The following FLVCR1 variants were observed in gnomAD, a reference collection of about 807,000 sequenced individuals.
The protein encoded by FLVCR1 is FLVCR choline and heme transporter 1.
In FLVCR1, 34 loss-of-function variants were observed where a neutral mutation model predicts 53.6. That is an observed-to-expected ratio of 0.63 (90% CI 0.48 to 0.84). The LOEUF (loss-of-function observed/expected upper bound fraction) is 0.84. FLVCR1 is among the 40% of genes least tolerant of loss of function. FLVCR1 has a pLI of 0.00. For synonymous variants in FLVCR1, 300 were observed against 286.3 expected (o/e 1.05, Z -0.48); for missense variants, 677 against 696.7 (o/e 0.97, Z 0.32).
intron 1 of FLVCR1, among the ~76,000 whole-genome samples, chr1:212,860,026 T>TA (rs1226473539): frequency 6.6e-6 from 1 of 152,154 alleles, no homozygotes; most frequent in Non-Finnish European, 1.5e-5. Context: ...CTCACGCCTG[T>TA]AATCTCAGCA....
intron 3 of FLVCR1, among the ~76,000 whole-genome samples, chr1:212,879,288 C>G (rs1337655170): frequency 6.6e-6 from 1 of 152,108 alleles, no homozygotes; most frequent in Non-Finnish European, 1.5e-5. Context: ...CGAGTAGTTT[C>G]TCGACTTCAT....
chr1:212,878,988 C>G (rs1325131790), intron 3 of FLVCR1, among the ~76,000 whole-genome samples: 1 of 146,654 alleles, frequency 6.8e-6, no homozygotes, highest in Non-Finnish European at 1.5e-5. Flanking sequence ...GATCCTGTCT[C>G]AAAAAAAAAA....
In FLVCR1 at chr1:212,885,574, G is replaced by T. The variant is rs1195878500; in HGVS notation, c.1196+178G>T. 2,320 of 297,594 alleles carry T rather than the reference G, an allele frequency of 7.8e-3. 20 individuals carry two copies. The highest frequency in any genetic ancestry group is 0.015 in the South Asian group (548 of 36,504). The allele number at this position is 297,594 out of a possible 1,614,324, so 18.4% of individuals were successfully genotyped here. A position where few individuals can be genotyped will look rare whatever the true frequency, so the allele number is the denominator to read the frequency against. On this transcript the variant is annotated intron_variant, in intron 5 of 9. Coordinates refer to ENST00000366971, the MANE Select transcript of FLVCR1 (RefSeq NM_014053.4). Reference sequence around the variant, plus strand: ...TCTTTTTTTTTTTTTTTTTTGAGACGGAGTCTCGTTCTGTCGCCCAGGCTA... The same window carrying T: ...TCTTTTTTTTTTTTTTTTTTGAGACTGAGTCTCGTTCTGTCGCCCAGGCTA...
intron 6 of FLVCR1, among the ~76,000 whole-genome samples, 153 bp downstream of exon 6, chr1:212,888,154 T>C (rs1665104624): frequency 6.6e-6 from 1 of 152,218 alleles, no homozygotes; most frequent in South Asian, 2.1e-4. Flanking sequence ...CATGTAATTC[T>C]TAAGAACTAT....
chr1:212,859,201 G>C lies in FLVCR1; in HGVS notation c.738+11G>C. 14 of 1,614,048 alleles carry C rather than the reference G, an allele frequency of 8.7e-6. No individual in the cohort carries two copies. Among genetic ancestry groups the C allele is most frequent in the Non-Finnish European group, 1.1e-5 (13 of 1,180,042 alleles). Reference sequence around the variant, plus strand: ...GTGCTGGGCAATCAGGTAAGTACTGGAGTGGTAGGTGAAAGTCAGATCCTT... The same window carrying C: ...GTGCTGGGCAATCAGGTAAGTACTGCAGTGGTAGGTGAAAGTCAGATCCTT... On this transcript the variant is annotated intron_variant, in intron 1 of 9. Transcript: ENST00000366971.
intron 5 of FLVCR1, among the ~76,000 whole-genome samples, chr1:212,886,041 T>TC (rs1482334630): frequency 5.8e-5 from 6 of 102,650 alleles, no homozygotes; most frequent in Non-Finnish European, 1.2e-4. Flanking sequence ...TTTATCTTGT[T>TC]CTTTTTTTTT....
In FLVCR1 at chr1:212,897,948, A is replaced by G. The variant is rs1665383915; in HGVS notation, c.*2658A>G. 1 of 152,206 alleles carries G rather than the reference A, an allele frequency of 6.6e-6. No homozygotes were observed. Among genetic ancestry groups the G allele is most frequent in the Non-Finnish European group, 1.5e-5 (1 of 68,042 alleles). 9.4% of individuals were successfully genotyped at this position (152,206 alleles called of 1,614,324 possible). A position where few individuals can be genotyped will look rare whatever the true frequency, so the allele number is the denominator to read the frequency against. ...ATATATTGAAATTATAACATTCTCT[A>G]TAATCAAGTGACTGTAAATTATGTC... On this transcript the variant is annotated 3_prime_UTR_variant, in exon 10 of 10. Transcript: ENST00000366971.
At chr1:212,876,328 C>T (rs188945354) in intron 3 of FLVCR1, among the ~76,000 whole-genome samples, 76 of 151,542 alleles carry the variant, frequency 5.0e-4, no homozygotes, top group Non-Finnish European at 1.0e-3. Context: ...AGAATAACTG[C>T]TTCCAGCTCC....
intron 1 of FLVCR1, among the ~76,000 whole-genome samples, chr1:212,862,482 A>G (rs1376018848): frequency 6.6e-6 from 1 of 152,182 alleles, no homozygotes; most frequent in African/African-American, 2.4e-5. Context: ...AAGTTCATCC[A>G]TGTTGTAGCA....
intron 3 of FLVCR1, among the ~76,000 whole-genome samples, chr1:212,880,840 C>T (rs1473494724): frequency 6.6e-6 from 1 of 151,292 alleles, no homozygotes; most frequent in Non-Finnish European, 1.5e-5. Flanking sequence ...ACTTCAGTGG[C>T]CTGAAACATG....
intron 3 of FLVCR1, among the ~76,000 whole-genome samples, chr1:212,878,318 T>C (rs1664821583): frequency 6.6e-6 from 1 of 151,964 alleles, no homozygotes; most frequent in East Asian, 1.9e-4. Context: ...CTGGCTAACA[T>C]GGTGAAACCC....
chr1:212,889,755 C>CAAAAAA (rs386369572), intron 8 of FLVCR1, among the ~76,000 whole-genome samples: 1 of 111,610 alleles, frequency 9.0e-6, no homozygotes, highest in Non-Finnish European at 1.8e-5. Flanking sequence ...GACTCTGTCT[C>CAAAAAA]AAAAAAAAAA....
intron 5 of FLVCR1, 193 bp downstream of exon 5, chr1:212,885,589 C>T (rs544990120): frequency 7.6e-5 from 36 of 475,210 alleles, no homozygotes; most frequent in Middle Eastern, 6.0e-4. Context: ...CTCGTTCTGT[C>T]GCCCAGGCTA....
chr1:212,872,309 C>T (rs1160217564), intron 2 of FLVCR1, among the ~76,000 whole-genome samples: 2 of 152,026 alleles, frequency 1.3e-5, no homozygotes, highest in African/African-American at 4.8e-5. Context: ...ACAAATTGAA[C>T]TGAATTTAAA....
At chr1:212,873,190 G>A (rs1664655043) in intron 3 of FLVCR1, among the ~76,000 whole-genome samples, 1 of 151,950 alleles carries the variant, frequency 6.6e-6, no homozygotes, top group Non-Finnish European at 1.5e-5. Flanking sequence ...GCACACGCCT[G>A]TAATCCCGGC....
intron 1 of FLVCR1, among the ~76,000 whole-genome samples, chr1:212,859,860 A>G (rs1451618001): frequency 1.3e-5 from 2 of 152,224 alleles, no homozygotes; most frequent in African/African-American, 4.8e-5. Context: ...TATTTGTGAA[A>G]GGAAGGTATT....
In FLVCR1 at chr1:212,897,132, G is replaced by T. The variant is rs1270233639; in HGVS notation, c.*1842G>T. On this transcript the variant is annotated 3_prime_UTR_variant, in exon 10 of 10. Transcript: ENST00000366971. ...TGCAGTGAGCGAAAATCACACTACT[G>T]CACTCCAGCCTGGGAGATAAAGTGA... 1 of 151,578 alleles carries T rather than the reference G, an allele frequency of 6.6e-6. No homozygotes were observed. The highest frequency in any genetic ancestry group is 1.5e-5 in the Non-Finnish European group (1 of 67,988). 9.4% of individuals were successfully genotyped at this position (151,578 alleles called of 1,614,324 possible).
At chr1:212,881,187 A>G (rs1326104518) in intron 3 of FLVCR1, among the ~76,000 whole-genome samples, 1 of 152,222 alleles carries the variant, frequency 6.6e-6, no homozygotes, top group African/African-American at 2.4e-5. Context: ...ACTCTACATC[A>G]TACCATGCAT....
intron 8 of FLVCR1, among the ~76,000 whole-genome samples, chr1:212,890,424 C>T (rs12144265): frequency 0.014 from 2,144 of 151,656 alleles, 45 homozygotes; most frequent in Non-Finnish European, 0.02. Context: ...TTGGGCCACA[C>T]ATGAAATACT....
Sources: allele counts gnomAD v4.1 joint callset (sites outside exome capture counted in the v4.1 genomes callset), GRCh38; gene constraint gnomAD v4.1.1; transcripts MANE v1.5; gene names NCBI Gene and HGNC (gene_info 2026-07-23, HGNC 2026-07-21).